DLGAP1: variants seen among roughly 807,000 people sequenced by gnomAD.
DLGAP1 encodes DLG associated protein 1, also known as disks large-associated protein 1.
In DLGAP1, 11 loss-of-function variants were observed where a neutral mutation model predicts 90.8. That is an observed-to-expected ratio of 0.12 (90% CI 0.08 to 0.20). DLGAP1 has a LOEUF of 0.20. Among genes scored for constraint, DLGAP1 ranks in the 10% least tolerant of loss-of-function variants. DLGAP1 has a pLI of 1.00. For synonymous variants in DLGAP1, 558 were observed against 540.7 expected (o/e 1.03, Z -0.44); for missense variants, 1,050 against 1,333.8 (o/e 0.79, Z 3.31).
At chr18:4,196,198 G>A (rs1432628156) in intron 1 of DLGAP1, among the ~76,000 whole-genome samples, 1 of 152,164 alleles carries the variant, frequency 6.6e-6, no homozygotes, top group African/African-American at 2.4e-5. Flanking sequence ...GGACATTACA[G>A]TAAAGGAGAC....
chr18:3,792,010 ACCACCCC>A (rs1381409461), intron 5 of DLGAP1, among the ~76,000 whole-genome samples: 1 of 152,134 alleles, frequency 6.6e-6, no homozygotes, highest in Non-Finnish European at 1.5e-5. Flanking sequence ...CACACTGGGG[ACCACCCC>A]CCACCCCACT....
intron 3 of DLGAP1, among the ~76,000 whole-genome samples, chr18:4,002,996 T>C (rs2074226933): frequency 6.6e-6 from 1 of 152,200 alleles, no homozygotes; most frequent in Non-Finnish European, 1.5e-5. Flanking sequence ...GGATTGTCCA[T>C]CTGAAGTGCT....
intron 9 of DLGAP1, among the ~76,000 whole-genome samples, chr18:3,542,473 G>T (rs114389037): frequency 1.3e-5 from 2 of 152,166 alleles, no homozygotes; most frequent in Admixed American, 6.5e-5. Context: ...AAGAGTTCTC[G>T]CAGCAACACT....
Position 4,337,490 on chromosome 18 carries a change from A to C in DLGAP1, c.-267+117516T>G, listed in dbSNP as rs187057559. ...ACAGGTGTGAGCCACTGTGCCCGGC[A>C]AAGAGATGGCTTTTTAAAACAATTA... On this transcript the variant is annotated intron_variant, in intron 1 of 12. Transcript: ENST00000315677. 1.5e-3 allele frequency among the ~76,000 whole-genome samples: 233 copies of C among 152,242 alleles called. 2 individuals are homozygous for C. Among genetic ancestry groups the C allele is most frequent in the African/African-American group, 5.4e-3 (224 of 41,560 alleles).
At chr18:3,574,779 T>TTTTA (rs1555685093) in intron 8 of DLGAP1, among the ~76,000 whole-genome samples, 8 of 140,862 alleles carry the variant, frequency 5.7e-5, no homozygotes, top group Non-Finnish European at 1.1e-4. Context: ...ATAATGTGCC[T>TTTTA]TTTTATTTTA....
At position 3,729,244 on chromosome 18, in the gene DLGAP1, A is replaced by G; in HGVS notation, c.1482T>C (p.Tyr494=). The G allele has an allele frequency of 1.2e-6, 2 of 1,614,038 alleles. No homozygotes were observed. Among genetic ancestry groups the G allele is most frequent in the South Asian group, 2.2e-5 (2 of 91,066 alleles). ...PGCFRMRSHS[Y]VRAIEKGCSQ... is the part of the protein sequence containing the mutation. ...AGCAGCCTTTCTCAATGGCCCGCAC[A>G]TAGCTGTGGCTCCGCATGCGGAAGC... Residue 494 remains tyrosine (Y), a synonymous_variant, in exon 7 of 13, where the codon TAT becomes TAC. Transcript: ENST00000315677. This position sits in a 1 kb window ranked among gnomAD's most constrained non-coding sequence, Gnocchi z 6.2.
intron 7 of DLGAP1, among the ~76,000 whole-genome samples, chr18:3,632,446 C>T (rs2058558407): frequency 6.6e-6 from 1 of 152,032 alleles, no homozygotes; most frequent in Admixed American, 6.6e-5. Flanking sequence ...GGATTACAGA[C>T]TCACGCCACC....
chr18:4,274,642 C>A (rs2079368392), intron 1 of DLGAP1, among the ~76,000 whole-genome samples: 1 of 152,098 alleles, frequency 6.6e-6, no homozygotes, highest in African/African-American at 2.4e-5. Flanking sequence ...CCATGCAGGC[C>A]TCCTTCATTT....
intron 1 of DLGAP1, among the ~76,000 whole-genome samples, chr18:4,205,801 A>T (rs1314250623): frequency 1.3e-5 from 2 of 152,244 alleles, no homozygotes; most frequent in African/African-American, 2.4e-5. Flanking sequence ...AAATACTAAT[A>T]GACAGTGCTG....
chr18:3,795,393 G>A (rs1401837910), intron 5 of DLGAP1, among the ~76,000 whole-genome samples: 3 of 152,084 alleles, frequency 2.0e-5, no homozygotes, highest in Non-Finnish European at 4.4e-5. Context: ...TTGGCTCACT[G>A]CAACCTCCGC....
chr18:3,698,375 G>C (rs567575946), intron 7 of DLGAP1, among the ~76,000 whole-genome samples: 1 of 152,236 alleles, frequency 6.6e-6, no homozygotes, highest in South Asian at 2.1e-4. Flanking sequence ...TGTAAGGCAG[G>C]CCTGGTGGTG....
At chr18:4,422,412 A>C (rs1483243375) in intron 1 of DLGAP1, among the ~76,000 whole-genome samples, 3 of 151,740 alleles carry the variant, frequency 2.0e-5, no homozygotes, top group African/African-American at 4.8e-5. Flanking sequence ...AATTGATCCC[A>C]AAAATATTAA....
At chr18:3,796,929 C>T (rs1251547811) in intron 5 of DLGAP1, among the ~76,000 whole-genome samples, 1 of 152,178 alleles carries the variant, frequency 6.6e-6, no homozygotes, top group Admixed American at 6.5e-5. Context: ...TATGTTGAGG[C>T]CCTAATGCCC....
chr18:3,951,709 C>A (rs1238973843), intron 3 of DLGAP1, among the ~76,000 whole-genome samples: 1 of 152,018 alleles, frequency 6.6e-6, no homozygotes, highest in African/African-American at 2.4e-5. Flanking sequence ...GGGAGCGGTT[C>A]CCCCATGCTG....
rs191188340 is a variant in DLGAP1, at chr18:3,542,540, G to T, written c.2058-7925C>A. ...AGACAGTGGATAAATCATTTGTAAA[G>T]GCACAGATGAAAATATTAAGTATAC... On this transcript the variant is annotated intron_variant, in intron 9 of 12. Coordinates refer to ENST00000315677, the MANE Select transcript of DLGAP1 (RefSeq NM_004746.4). 3.7e-3 allele frequency among the ~76,000 whole-genome samples: 568 copies of T among 152,268 alleles called. 3 individuals are homozygous for T. The highest frequency in any genetic ancestry group is 7.0e-3 in the Non-Finnish European group (475 of 68,000).
chr18:4,363,263 T>C (rs2081670986), intron 1 of DLGAP1, among the ~76,000 whole-genome samples: 1 of 152,112 alleles, frequency 6.6e-6, no homozygotes, highest in African/African-American at 2.4e-5. Flanking sequence ...ACATCCCTGA[T>C]TGCATGTGAG....
rs147379141 is a variant in DLGAP1, at chr18:4,114,892, T to G, written c.-159+36288A>C. On this transcript the variant is annotated intron_variant, in intron 2 of 12. Coordinates refer to ENST00000315677, the MANE Select transcript of DLGAP1 (RefSeq NM_004746.4). ...AGAGTATATAGTTGGGCTTTGTTAT[T>G]TTTCCAGTCTGATAGTCTCTGCCTT... is the stretch of plus-strand genomic sequence containing the variant. 1.4e-4 allele frequency among the ~76,000 whole-genome samples: 21 copies of G among 152,296 alleles called. No individual in the cohort carries two copies. In the East Asian group the frequency reaches 3.5e-3, roughly 25 times the overall value.
At chr18:4,307,149 T>C (rs1279921047) in intron 1 of DLGAP1, among the ~76,000 whole-genome samples, 1 of 152,214 alleles carries the variant, frequency 6.6e-6, no homozygotes, top group Non-Finnish European at 1.5e-5. Flanking sequence ...TAATGTGCTA[T>C]AGGAGAGGGC....
intron 1 of DLGAP1, among the ~76,000 whole-genome samples, chr18:4,181,908 C>A (rs1393649024): frequency 2.0e-5 from 3 of 152,042 alleles, no homozygotes; most frequent in Non-Finnish European, 4.4e-5. Flanking sequence ...AGAAGAAACA[C>A]CAGTAGCAAC....
Sources: allele counts gnomAD v4.1 joint callset (sites outside exome capture counted in the v4.1 genomes callset), GRCh38; gene constraint gnomAD v4.1.1; non-coding constraint Gnocchi (gnomAD v3.1); transcripts MANE v1.5; gene names NCBI Gene and HGNC (gene_info 2026-07-23, HGNC 2026-07-21).